JMJD1C: variants seen among roughly 807,000 people sequenced by gnomAD.
JMJD1C encodes jumonji domain containing 1C, also known as jumonji domain-containing protein 1C.
Under a neutral mutation model 245.3 loss-of-function variants are expected in JMJD1C, and 31 were observed. The observed-to-expected ratio is 0.13, with a 90% CI of 0.09 to 0.17. JMJD1C has a LOEUF of 0.17. Ranked by LOEUF, JMJD1C falls within the 10% of genes least tolerant of loss-of-function variation. The pLI, the probability that JMJD1C is intolerant of heterozygous loss-of-function variation, is 1.00. For synonymous variants in JMJD1C, 1,057 were observed against 1,017.4 expected, an observed-to-expected ratio of 1.04 and a Z score of -0.74; for missense variants, 2,691 against 3,000.2, an observed-to-expected ratio of 0.90 and a Z score of 2.41.
intron 1 of JMJD1C, among the ~76,000 whole-genome samples, chr10:63,514,376 T>C (rs545161518): frequency 6.6e-6 from 1 of 152,238 alleles, no homozygotes; most frequent in African/African-American, 2.4e-5. Context: ...GGAATTAACC[T>C]AGGTGCCCAT....
chr10:63,173,546 A>AC (rs1185213553), intron 24 of JMJD1C, among the ~76,000 whole-genome samples: 2 of 152,012 alleles, frequency 1.3e-5, no homozygotes, highest in African/African-American at 4.8e-5. Context: ...ACACAGCAAG[A>AC]CCCCATCTCC....
chr10:63,340,828 C>T (rs1943305333), intron 2 of JMJD1C, among the ~76,000 whole-genome samples: 1 of 152,032 alleles, frequency 6.6e-6, no homozygotes, highest in African/African-American at 2.4e-5. Context: ...ACCTGAAATC[C>T]CAGCTACTTG....
intron 1 of JMJD1C, among the ~76,000 whole-genome samples, chr10:63,413,155 A>C (rs1949585232): frequency 6.6e-6 from 1 of 152,316 alleles, no homozygotes; most frequent in East Asian, 1.9e-4. Flanking sequence ...CACAATTTAT[A>C]AATTTTAGAA....
intron 1 of JMJD1C, chr10:63,427,413 A>G: frequency 9.0e-7 from 1 of 1,110,098 alleles, no homozygotes; most frequent in African/African-American, 1.5e-5. Context: ...CGGAAGACAC[A>G]GTACACCGGG....
chr10:63,369,159 T>C (rs1196848199), intron 2 of JMJD1C, among the ~76,000 whole-genome samples: 1 of 151,918 alleles, frequency 6.6e-6, no homozygotes. Flanking sequence ...CTCTCTCTTT[T>C]CTTCTCCTCT....
intron 3 of JMJD1C, among the ~76,000 whole-genome samples, chr10:63,251,380 A>G (rs1469584936): frequency 6.6e-6 from 1 of 152,204 alleles, no homozygotes; most frequent in Non-Finnish European, 1.5e-5. Context: ...TTATTACTTT[A>G]CACAACTGAC....
intron 1 of JMJD1C, among the ~76,000 whole-genome samples, chr10:63,416,101 T>TA (rs1341247112): frequency 1.3e-5 from 2 of 152,162 alleles, no homozygotes; most frequent in African/African-American, 4.8e-5. Context: ...GTGATGCATT[T>TA]AACCCCTATC....
intron 1 of JMJD1C, among the ~76,000 whole-genome samples, chr10:63,396,460 G>A (rs1357996396): frequency 3.9e-5 from 6 of 152,112 alleles, no homozygotes; most frequent in Non-Finnish European, 7.4e-5. Context: ...GCAAATATAG[G>A]AGTAAAAGTA....
intron 1 of JMJD1C, among the ~76,000 whole-genome samples, chr10:63,485,670 G>T (rs1169946052): frequency 6.6e-6 from 1 of 152,176 alleles, no homozygotes; most frequent in Non-Finnish European, 1.5e-5. Flanking sequence ...CCAGGACTGG[G>T]ATTTGAAAGC....
intron 2 of JMJD1C, among the ~76,000 whole-genome samples, chr10:63,337,583 G>GAA (rs1318103518): frequency 7.7e-5 from 7 of 91,328 alleles, no homozygotes; most frequent in Admixed American, 3.3e-4. Context: ...GAAAAGAAAA[G>GAA]AAAAGAAAAG....
At chr10:63,260,289 C>A (rs1387024113) in intron 3 of JMJD1C, among the ~76,000 whole-genome samples, 2 of 152,090 alleles carry the variant, frequency 1.3e-5, no homozygotes, top group Admixed American at 1.3e-4. Context: ...CAAGCCAGAC[C>A]AAGCCAGGTT....
chr10:63,499,016 C>A (rs1954450729), intron 1 of JMJD1C, among the ~76,000 whole-genome samples: 1 of 152,196 alleles, frequency 6.6e-6, no homozygotes, highest in South Asian at 2.1e-4. Context: ...GACACAGTGT[C>A]CTCAAAGTTC....
intron 1 of JMJD1C, among the ~76,000 whole-genome samples, chr10:63,401,163 T>G (rs1948829565): frequency 6.6e-6 from 1 of 152,192 alleles, no homozygotes; most frequent in Non-Finnish European, 1.5e-5. Context: ...CCGGCCTCGT[T>G]TCCTCTCTTG....
At chr10:63,421,195 G>A (rs12265486) in intron 1 of JMJD1C, among the ~76,000 whole-genome samples, 2,593 of 152,190 alleles carry the variant, frequency 0.017, 84 homozygotes, top group African/African-American at 0.059. Flanking sequence ...TTAGCCGGGC[G>A]TGGTGGCTCA....
intron 2 of JMJD1C, among the ~76,000 whole-genome samples, chr10:63,367,446 A>G (rs59815176): frequency 0.14 from 21,425 of 151,924 alleles, 3,463 homozygotes; most frequent in African/African-American, 0.4. Context: ...GGGTTTCTCC[A>G]TGTTGGTCGG....
intron 8 of JMJD1C, among the ~76,000 whole-genome samples, chr10:63,211,594 A>G (rs1589158631): frequency 6.6e-6 from 1 of 152,048 alleles, no homozygotes; most frequent in South Asian, 2.1e-4. Context: ...GCTTTTATCT[A>G]CTGGCATCAC....
intron 1 of JMJD1C, chr10:63,521,518 C>G: frequency 1.4e-6 from 2 of 1,408,188 alleles, no homozygotes; most frequent in Non-Finnish European, 1.9e-6. Flanking sequence ...CCACCCGCCC[C>G]GGACGTGGGG....
intron 2 of JMJD1C, among the ~76,000 whole-genome samples, chr10:63,351,024 C>T (rs1244619858): frequency 6.6e-6 from 1 of 151,544 alleles, no homozygotes; most frequent in Non-Finnish European, 1.5e-5. Context: ...ATTACATTAA[C>T]ATTTGATATA....
At position 63,465,218 on chromosome 10, in the gene JMJD1C, C is replaced by A. The variant is rs994144792; in HGVS notation, c.168+277G>T. ...CTCCGTGGCCGCCCAGGCGCCACAG[C>A]GGGGAGCCGCGGTCGACCCCTCCGG... On this transcript the variant is annotated intron_variant, in intron 1 of 25. Transcript: ENST00000399262. The A allele has an allele frequency of 7.7e-6, 3 of 391,356 alleles. No homozygotes were observed. In the Admixed American group the frequency reaches 1.4e-4, roughly 18 times the overall value. The allele number at this position is 391,356 out of a possible 1,614,324, so 24.2% of individuals were successfully genotyped here.
Sources: gnomAD v4.1 joint callset for allele counts (sites outside exome capture counted in the v4.1 genomes callset) on GRCh38, gnomAD v4.1.1 for gene constraint, MANE v1.5 for transcripts, NCBI Gene and HGNC (gene_info 2026-07-23, HGNC 2026-07-21) for gene names.